ZBTB40: variants seen among roughly 807,000 people sequenced by gnomAD.
ZBTB40 encodes the protein zinc finger and BTB domain-containing protein 40.
In ZBTB40, 60 loss-of-function variants were observed where a neutral mutation model predicts 117.5. The ratio of observed to expected loss-of-function variants is 0.51; its 90% CI spans 0.41 to 0.63. The LOEUF (loss-of-function observed/expected upper bound fraction) is 0.63. Ranked by LOEUF, ZBTB40 falls within the 30% of genes least tolerant of loss-of-function variation. The probability of loss-of-function intolerance (pLI) is 0.00; values close to 1 mark genes in which losing one functional copy is unlikely to be tolerated. For missense variants in ZBTB40, 1,287 were observed against 1,498.5 expected (o/e 0.86, Z 2.33); for synonymous variants, 525 against 577.1 (o/e 0.91, Z 1.29).
At chr1:22,463,348 T>G (rs576267060) in intron 1 of ZBTB40, among the ~76,000 whole-genome samples, 1 of 152,350 alleles carries the variant, frequency 6.6e-6, no homozygotes, top group South Asian at 2.1e-4. Context: ...AATTTGGTAC[T>G]GTATTTATGT....
chr1:22,455,434 G>A (rs890009499), intron 1 of ZBTB40, among the ~76,000 whole-genome samples: 9 of 152,126 alleles, frequency 5.9e-5, no homozygotes, highest in Admixed American at 1.3e-4. Flanking sequence ...GGCAGGTTTC[G>A]CTTTAAACTC....
intron 1 of ZBTB40, among the ~76,000 whole-genome samples, chr1:22,467,446 C>T (rs1557487667): frequency 6.6e-6 from 1 of 152,154 alleles, no homozygotes; most frequent in Non-Finnish European, 1.5e-5. Flanking sequence ...TAGCCCATTG[C>T]TCCCTCTCCT....
chr1:22,488,986 G>A (rs2124428362), intron 1 of ZBTB40, among the ~76,000 whole-genome samples: 1 of 152,238 alleles, frequency 6.6e-6, no homozygotes, highest in East Asian at 1.9e-4. Context: ...ATTGGATATA[G>A]CGTATGAGAA....
chr1:22,462,886 A>G (rs1021162517), intron 1 of ZBTB40, among the ~76,000 whole-genome samples: 1 of 152,218 alleles, frequency 6.6e-6, no homozygotes, highest in African/African-American at 2.4e-5. Context: ...GACATTTGAC[A>G]TATATAGAAG....
intron 3 of ZBTB40, among the ~76,000 whole-genome samples, chr1:22,499,582 A>G (rs548619492): frequency 6.6e-6 from 1 of 152,340 alleles, no homozygotes; most frequent in Admixed American, 6.5e-5. Flanking sequence ...TAAATACAAG[A>G]TGAGTTACCT....
At chr1:22,475,093 C>T (rs550837143) in intron 1 of ZBTB40, among the ~76,000 whole-genome samples, 1 of 152,318 alleles carries the variant, frequency 6.6e-6, no homozygotes, top group African/African-American at 2.4e-5. Context: ...TGACTTTTCT[C>T]TCTTGGATAT....
At chr1:22,481,538 A>G (rs1400508382) in intron 1 of ZBTB40, among the ~76,000 whole-genome samples, 1 of 152,166 alleles carries the variant, frequency 6.6e-6, no homozygotes, top group East Asian at 1.9e-4. Context: ...TCACAAAAAC[A>G]TTAAATAGCT....
intron 1 of ZBTB40, among the ~76,000 whole-genome samples, chr1:22,456,957 T>TAACGAAGGCTGGGTTAAAAGGG (rs1557481536): frequency 2.0e-5 from 3 of 152,174 alleles, no homozygotes; most frequent in Non-Finnish European, 4.4e-5. Flanking sequence ...TCCTCAGACT[T>TAACGAAGGCTGGGTTAAAAGGG]AACGAAGGCT....
At chr1:22,447,370 G>A (rs1640801620), upstream of ZBTB40, among the ~76,000 whole-genome samples, 1 of 152,156 alleles carries the variant, frequency 6.6e-6, no homozygotes, top group Admixed American at 6.6e-5. Flanking sequence ...TGGACAGAGT[G>A]TATCAGAGGT....
At chr1:22,506,007 A>T in intron 5 of ZBTB40, 42 bp from the exon 6 acceptor site, 1 of 1,609,554 alleles carries the variant, frequency 6.2e-7, no homozygotes, top group South Asian at 1.1e-5. Context: ...TAAATGTTGA[A>T]TTGCCAGTAA....
chr1:22,502,646 A>AATGGATGG (rs376269824), intron 5 of ZBTB40, among the ~76,000 whole-genome samples: 1 of 151,908 alleles, frequency 6.6e-6, no homozygotes, highest in African/African-American at 2.4e-5. Context: ...CCATAAGGAA[A>AATGGATGG]ATGGATGGAT....
At position 22,526,546 on chromosome 1, in the gene ZBTB40, A is replaced by G. The variant is rs564342273; in HGVS notation, c.*150A>G. ...CAGTCTCACCTAGAAAACAGATGGA[A>G]GCTTCGTTGTTCTCATAGAACCAAC... On this transcript the variant is annotated 3_prime_UTR_variant, in exon 18 of 18. Transcript: ENST00000375647. 24 of 1,008,334 alleles carry G rather than the reference A, an allele frequency of 2.4e-5. No homozygotes were observed. In the South Asian group the frequency reaches 2.8e-4, roughly 12 times the overall value. The allele number at this position is 1,008,334 out of a possible 1,614,324, so 62.5% of individuals were successfully genotyped here. A position where few individuals can be genotyped will look rare whatever the true frequency, so the allele number is the denominator to read the frequency against.
At chr1:22,497,500 T>A (rs920169263) in intron 3 of ZBTB40, among the ~76,000 whole-genome samples, 1 of 152,200 alleles carries the variant, frequency 6.6e-6, no homozygotes, top group Admixed American at 6.5e-5. Context: ...TCCTTTCTGT[T>A]AATGATTAAG....
intron 1 of ZBTB40, among the ~76,000 whole-genome samples, chr1:22,478,996 T>C (rs974415859): frequency 1.5e-4 from 23 of 152,236 alleles, no homozygotes; most frequent in Non-Finnish European, 5.9e-5. Flanking sequence ...TTTATCATGG[T>C]AGATTAGCTT....
At chr1:22,507,876 G>A in intron 6 of ZBTB40, 125 bp from the exon 7 acceptor site, 1 of 1,416,926 alleles carries the variant, frequency 7.1e-7, no homozygotes, top group South Asian at 1.2e-5. Flanking sequence ...CCAAGCCAGG[G>A]CTCTGCAGAG....
chr1:22,503,523 G>C (rs1639000278), intron 5 of ZBTB40, among the ~76,000 whole-genome samples: 1 of 152,160 alleles, frequency 6.6e-6, no homozygotes, highest in African/African-American at 2.4e-5. Context: ...AGAAGCCACT[G>C]ATATAATGGC....
intron 4 of ZBTB40, 41 bp from the exon 5 acceptor site, chr1:22,502,256 TTG>T: frequency 6.3e-7 from 1 of 1,595,210 alleles, no homozygotes; most frequent in Non-Finnish European, 8.5e-7. Flanking sequence ...TTTCTTCAAA[TTG>T]ACTAGCTTCT....
intron 16 of ZBTB40, among the ~76,000 whole-genome samples, chr1:22,522,886 C>T (rs1639573684): frequency 6.7e-6 from 1 of 149,620 alleles, no homozygotes; most frequent in African/African-American, 2.5e-5. Context: ...CCTGACTTAG[C>T]CTCCCAAGTA....
At chr1:22,480,931 G>A (rs1296013992) in intron 1 of ZBTB40, among the ~76,000 whole-genome samples, 1 of 152,170 alleles carries the variant, frequency 6.6e-6, no homozygotes, top group Non-Finnish European at 1.5e-5. Flanking sequence ...TGGGCTTTAT[G>A]CAAGGGTCTC....
Sources: allele counts gnomAD v4.1 joint callset (sites outside exome capture counted in the v4.1 genomes callset), GRCh38; gene constraint gnomAD v4.1.1; transcripts MANE v1.5; gene names NCBI Gene and HGNC (gene_info 2026-07-23, HGNC 2026-07-21).